Variants in POLE2 observed in about 807,000 individuals in gnomAD.
POLE2 encodes the protein DNA polymerase epsilon 2, accessory subunit.
Under a neutral mutation model 79.4 loss-of-function variants are expected in POLE2, and 56 were observed. The ratio of observed to expected loss-of-function variants is 0.71; its 90% CI spans 0.57 to 0.88. POLE2 has a LOEUF of 0.88. Among genes scored for constraint, POLE2 ranks in the 40% least tolerant of loss-of-function variants. The pLI is 0.00. For missense variants in POLE2, 598 were observed against 638.9 expected (o/e 0.94, Z 0.69); for synonymous variants, 212 against 214.0 (o/e 0.99, Z 0.08).
chr14:49,646,700 AT>A (rs1883803082), intron 18 of POLE2: 1 of 152,162 alleles, frequency 6.6e-6, no homozygotes, highest in Non-Finnish European at 1.5e-5. Context: ...GATGCCTGAA[AT>A]TACAGGAAAT....
At chr14:49,674,059 T>C in intron 5 of POLE2, 64 bp downstream of exon 5, 1 of 973,886 alleles carries the variant, frequency 1.0e-6, no homozygotes, top group South Asian at 1.3e-5. Context: ...TTCCCTAAAC[T>C]GAAACAGTCT....
intron 17 of POLE2, 150 bp downstream of exon 17, chr14:49,650,115 C>T (rs375480916): frequency 5.8e-4 from 253 of 439,090 alleles, no homozygotes; most frequent in Non-Finnish European, 8.5e-4. Flanking sequence ...CTGTGTATAC[C>T]AACTTTCTGT....
intron 10 of POLE2, among the ~76,000 whole-genome samples, chr14:49,659,564 AAAGTT>A (rs1191304782): frequency 4.6e-5 from 7 of 152,332 alleles, no homozygotes; most frequent in South Asian, 2.1e-4. Context: ...TATAGTAACT[AAAGTT>A]AATTAATTTT....
At chr14:49,645,090 A>T (rs977712685) in intron 18 of POLE2, among the ~76,000 whole-genome samples, 4 of 150,298 alleles carry the variant, frequency 2.7e-5, no homozygotes, top group African/African-American at 9.7e-5. Flanking sequence ...GTACCTATAC[A>T]TGATGTACCT....
intron 15 of POLE2, among the ~76,000 whole-genome samples, chr14:49,652,286 A>G (rs1884320695): frequency 1.6e-5 from 2 of 125,044 alleles, no homozygotes; most frequent in East Asian, 2.6e-4. Context: ...AAAAAAAAAA[A>G]AAAAAAAAAA....
intron 3 of POLE2, among the ~76,000 whole-genome samples, chr14:49,675,470 C>T (rs1161834567): frequency 2.0e-5 from 3 of 151,872 alleles, no homozygotes; most frequent in Non-Finnish European, 4.4e-5. Flanking sequence ...GAGACAGTCT[C>T]ACTCTGATGC....
rs1379173135 is a variant in POLE2 at position 49,654,996 on chromosome 14, C to T, written c.1018+9G>A. ...TAGAAACACTTCTTATTAAATAGAT[C>T]GTTAATACCTTTCAAAGCTTGAACT... On this transcript the variant is annotated intron_variant, in intron 12 of 18. Coordinates refer to ENST00000216367, the MANE Select transcript of POLE2 (RefSeq NM_002692.4). 1.3e-6 allele frequency: 2 copies of T among 1,507,586 alleles called. No homozygotes were observed. Among genetic ancestry groups the T allele is most frequent in the Non-Finnish European group, 1.8e-6 (2 of 1,111,174 alleles). 93.4% of individuals were successfully genotyped at this position (1,507,586 alleles called of 1,614,324 possible). A position where few individuals can be genotyped will look rare whatever the true frequency, so the allele number is the denominator to read the frequency against.
chr14:49,665,373 A>G (rs147370561), intron 7 of POLE2, among the ~76,000 whole-genome samples: 9 of 152,334 alleles, frequency 5.9e-5, no homozygotes, highest in African/African-American at 2.2e-4. Flanking sequence ...CACAGGTACA[A>G]TGGAGAATGA....
At chr14:49,645,495 C>T (rs1490459940) in intron 18 of POLE2, among the ~76,000 whole-genome samples, 1 of 152,184 alleles carries the variant, frequency 6.6e-6, no homozygotes, top group Non-Finnish European at 1.5e-5. Flanking sequence ...TTTGATCTAG[C>T]ATTGAAAAGA....
rs60811856 is a variant in POLE2, at chr14:49,687,300, CCACACACA to C, written c.68+828_68+835del. On this transcript the variant is annotated intron_variant, in intron 1 of 18. Transcript: ENST00000216367. ...ATACATATATATATATACACACACA[CCACACACA>C]CACACACACACACACACACACACAC... 5.2e-3 allele frequency among the ~76,000 whole-genome samples: 727 copies of C among 139,818 alleles called. 3 individuals are homozygous for C. Among genetic ancestry groups the C allele is most frequent in the African/African-American group, 6.9e-3 (258 of 37,506 alleles). 91.7% of individuals were successfully genotyped at this position (139,818 alleles called of 152,430 possible). A position where few individuals can be genotyped will look rare whatever the true frequency, so the allele number is the denominator to read the frequency against.
intron 10 of POLE2, among the ~76,000 whole-genome samples, chr14:49,656,130 C>T (rs1236799072): frequency 2.0e-5 from 3 of 151,928 alleles, no homozygotes; most frequent in Non-Finnish European, 4.4e-5. Flanking sequence ...CCGAGGCGGG[C>T]GGATCACGAG....
intron 7 of POLE2, 24 bp from the exon 8 acceptor site, chr14:49,665,187 TC>T: frequency 9.8e-7 from 1 of 1,022,818 alleles, no homozygotes; most frequent in Non-Finnish European, 1.5e-6. Flanking sequence ...AATAAATAAA[TC>T]CACATTTATG....
rs146136142 is a variant in POLE2, at chr14:49,652,975, T to C, written c.1211+1015A>G. 2.9e-3 allele frequency among the ~76,000 whole-genome samples: 436 copies of C among 152,202 alleles called. 7 individuals are homozygous for C. The highest frequency in any genetic ancestry group is 9.8e-3 in the African/African-American group (405 of 41,510). ...GAGAGAGCAGATTCTGGATATAATT[T>C]GAAGTTAATGGGACTTCCTGAAAAA... On this transcript the variant is annotated intron_variant, in intron 15 of 18. Coordinates refer to ENST00000216367, the MANE Select transcript of POLE2 (RefSeq NM_002692.4).
chr14:49,686,118 C>T (rs955981169), intron 1 of POLE2, among the ~76,000 whole-genome samples: 5 of 152,040 alleles, frequency 3.3e-5, no homozygotes, highest in Non-Finnish European at 5.9e-5. Flanking sequence ...TAAGATGGCC[C>T]CTAATAATCC....
At chr14:49,657,876 A>G (rs1358000518) in intron 10 of POLE2, among the ~76,000 whole-genome samples, 1 of 152,178 alleles carries the variant, frequency 6.6e-6, no homozygotes, top group African/African-American at 2.4e-5. Flanking sequence ...AAGTCCTAAA[A>G]CCAATTTATC....
intron 10 of POLE2, among the ~76,000 whole-genome samples, chr14:49,661,681 C>A (rs892326324): frequency 3.3e-5 from 5 of 152,150 alleles, no homozygotes; most frequent in African/African-American, 4.8e-5. Flanking sequence ...ACACATAAAA[C>A]ATACTCACTA....
intron 2 of POLE2, 119 bp downstream of exon 2, chr14:49,683,474 A>T (rs146441151): frequency 2.7e-5 from 15 of 554,268 alleles, no homozygotes; most frequent in African/African-American, 2.7e-4. Context: ...CCATGCATAC[A>T]TCTTATAACA....
intron 6 of POLE2, among the ~76,000 whole-genome samples, chr14:49,668,224 C>A (rs771201134): frequency 6.6e-6 from 1 of 151,930 alleles, no homozygotes; most frequent in Non-Finnish European, 1.5e-5. Flanking sequence ...GAGCCAAGAT[C>A]GCACTACTGA....
intron 5 of POLE2, among the ~76,000 whole-genome samples, chr14:49,670,328 A>AT (rs1160237984): frequency 1.4e-5 from 2 of 143,782 alleles, no homozygotes; most frequent in African/African-American, 5.3e-5. Context: ...AAAAAAAAAA[A>AT]AAAAAAAAAA....
Sources: allele counts gnomAD v4.1 joint callset (sites outside exome capture counted in the v4.1 genomes callset), GRCh38; gene constraint gnomAD v4.1.1; transcripts MANE v1.5; gene names NCBI Gene and HGNC (gene_info 2026-07-23, HGNC 2026-07-21).